The following SLC8A1 variants were observed in gnomAD, a reference collection of about 807,000 sequenced individuals.
The protein encoded by SLC8A1 is sodium/calcium exchanger 1.
In SLC8A1, 18 loss-of-function variants were observed where a neutral mutation model predicts 68.3. That is an observed-to-expected ratio of 0.26 (90% CI 0.18 to 0.39). The LOEUF (loss-of-function observed/expected upper bound fraction) is 0.39. Ranked by LOEUF, SLC8A1 falls within the 10% of genes least tolerant of loss-of-function variation. SLC8A1 has a pLI of 1.00. For missense variants in SLC8A1, 985 were observed against 1,156.7 expected (o/e 0.85, Z 2.15); for synonymous variants, 475 against 415.5 (o/e 1.14, Z -1.74).
intron 2 of SLC8A1, among the ~76,000 whole-genome samples, chr2:40,331,091 G>C (rs1433423054): frequency 6.6e-6 from 1 of 152,122 alleles, no homozygotes; most frequent in Non-Finnish European, 1.5e-5. Flanking sequence ...TCAAATCTTG[G>C]CTCTAAGCCT....
In SLC8A1 at chr2:40,503,758, A is replaced by T. The variant is rs993351271; in HGVS notation, c.-25+8591T>A. 2.6e-5 allele frequency among the ~76,000 whole-genome samples: 4 copies of T among 152,156 alleles called. No homozygotes were observed. The East Asian group carries it at 7.7e-4, about 29-fold the overall frequency. The stretch of plus-strand genomic sequence containing the variant: ...GAATTAACTTAACCAAAGAAGTGAA[A>T]GATTACTACAATGAAAACGATAAAA... On this transcript the variant is annotated intron_variant, in intron 1 of 7. Transcript: ENST00000402441.
chr2:40,278,035 T>A (rs2066997716), intron 2 of SLC8A1, among the ~76,000 whole-genome samples: 1 of 152,038 alleles, frequency 6.6e-6, no homozygotes, highest in Non-Finnish European at 1.5e-5. Context: ...TCTGTAGGTA[T>A]CTCAGTATTT....
At chr2:40,478,395 A>G (rs1295737108) in intron 1 of SLC8A1, among the ~76,000 whole-genome samples, 3 of 152,184 alleles carry the variant, frequency 2.0e-5, no homozygotes, top group Non-Finnish European at 4.4e-5. Context: ...GTTAAACTCA[A>G]TATGACCTTT....
At chr2:40,217,591 G>T (rs564898128) in intron 2 of SLC8A1, among the ~76,000 whole-genome samples, 2 of 152,214 alleles carry the variant, frequency 1.3e-5, no homozygotes, top group South Asian at 4.1e-4. Flanking sequence ...TCCTAATGCT[G>T]CTTTTGGTGT....
chr2:40,486,265 C>G (rs552926535), intron 1 of SLC8A1, among the ~76,000 whole-genome samples: 2 of 152,304 alleles, frequency 1.3e-5, no homozygotes, highest in African/African-American at 4.8e-5. Flanking sequence ...ATTACCTAGT[C>G]TCTGATATGT....
At chr2:40,278,469 A>G (rs936710452) in intron 2 of SLC8A1, among the ~76,000 whole-genome samples, 2 of 80,948 alleles carry the variant, frequency 2.5e-5, no homozygotes, top group African/African-American at 9.9e-5. Context: ...CTCTGTCTCA[A>G]ACAAAACAAA....
intron 2 of SLC8A1, among the ~76,000 whole-genome samples, chr2:40,225,533 C>T (rs566535131): frequency 3.3e-5 from 5 of 151,990 alleles, no homozygotes; most frequent in African/African-American, 4.8e-5. Context: ...AGAGGTGGGA[C>T]GGAGTTAAAG....
At chr2:40,252,813 T>C (rs1422083589) in intron 2 of SLC8A1, among the ~76,000 whole-genome samples, 3 of 144,084 alleles carry the variant, frequency 2.1e-5, no homozygotes, top group East Asian at 2.1e-4. Context: ...TATGTACATA[T>C]ACATATATAT....
intron 2 of SLC8A1, among the ~76,000 whole-genome samples, chr2:40,379,635 T>C (rs1681059526): frequency 6.6e-6 from 1 of 150,554 alleles, no homozygotes; most frequent in Admixed American, 6.7e-5. Context: ...ATAGCCTTCA[T>C]GATTTTGCCT....
intron 2 of SLC8A1, among the ~76,000 whole-genome samples, chr2:40,357,376 A>C (rs2149466451): frequency 6.6e-6 from 1 of 151,490 alleles, no homozygotes; most frequent in East Asian, 2.0e-4. Context: ...GGGTGCCTGC[A>C]GTCCCGACTA....
intron 1 of SLC8A1, among the ~76,000 whole-genome samples, chr2:40,446,152 G>A (rs1701408032): frequency 6.6e-6 from 1 of 152,172 alleles, no homozygotes; most frequent in Non-Finnish European, 1.5e-5. Flanking sequence ...TACCCTAGTA[G>A]AGGAAACAGA....
intron 4 of SLC8A1, among the ~76,000 whole-genome samples, 187 bp from the exon 8 acceptor site, chr2:40,165,171 G>A (rs1438153787): frequency 6.6e-6 from 1 of 152,176 alleles, no homozygotes; most frequent in Non-Finnish European, 1.5e-5. Flanking sequence ...ATATCACTGT[G>A]AGAGCAAGTG....
chr2:40,370,656 C>T (rs948976498), intron 2 of SLC8A1, among the ~76,000 whole-genome samples: 1 of 151,996 alleles, frequency 6.6e-6, no homozygotes, highest in Non-Finnish European at 1.5e-5. Context: ...ACAAATGACA[C>T]TAATTCAATA....
exon 8 of SLC8A1, chr2:40,115,522 C>T (rs138110651): frequency 9.3e-6 from 15 of 1,614,102 alleles, no homozygotes; most frequent in Non-Finnish European, 1.3e-5. Flanking sequence ...ATGGACCAGG[C>T]CACACCGATT....
intron 2 of SLC8A1, among the ~76,000 whole-genome samples, chr2:40,306,859 C>G (rs1575244192): frequency 6.6e-6 from 1 of 152,194 alleles, no homozygotes; most frequent in East Asian, 1.9e-4. Context: ...CCAATCTATG[C>G]TGAAGGAATA....
intron 2 of SLC8A1, among the ~76,000 whole-genome samples, chr2:40,311,059 G>T (rs1356026257): frequency 6.6e-6 from 1 of 152,018 alleles, no homozygotes; most frequent in South Asian, 2.1e-4. Context: ...TTGGTTAATT[G>T]TCTAAACACC....
chr2:40,170,266 T>C lies in SLC8A1; in HGVS notation c.1930+4559A>G, dbSNP rs761805255. On this transcript the variant is annotated intron_variant, in intron 4 of 7. Coordinates refer to ENST00000406785, the Ensembl canonical transcript of SLC8A1. ...GGGAGGCTGTGGTTTTCAAGGATCA[T>C]GATGAAATGAGTACCTGCAATGGTG... 1.2e-6 allele frequency: 2 copies of C among 1,611,662 alleles called. No homozygotes were observed. Among genetic ancestry groups the C allele is most frequent in the Non-Finnish European group, 1.7e-6 (2 of 1,177,908 alleles).
chr2:40,353,181 G>T (rs969185063), intron 2 of SLC8A1, among the ~76,000 whole-genome samples: 2 of 152,082 alleles, frequency 1.3e-5, no homozygotes, highest in African/African-American at 4.8e-5. Flanking sequence ...TTGAGAATGA[G>T]AACTTTTTCT....
intron 2 of SLC8A1, among the ~76,000 whole-genome samples, chr2:40,337,775 T>C (rs1041956010): frequency 2.0e-5 from 3 of 152,194 alleles, no homozygotes; most frequent in Non-Finnish European, 4.4e-5. Flanking sequence ...GATGATTCTA[T>C]GAAGTTTTCT....
Sources: allele counts gnomAD v4.1 joint callset (sites outside exome capture counted in the v4.1 genomes callset), GRCh38; gene constraint gnomAD v4.1.1; transcripts MANE v1.5; gene names NCBI Gene and HGNC (gene_info 2026-07-23, HGNC 2026-07-21).